The following RCOR3 variants were observed in gnomAD, a reference collection of about 807,000 sequenced individuals.
RCOR3 encodes the protein REST corepressor 3.
In RCOR3, 13 loss-of-function variants were observed where a neutral mutation model predicts 64.1. That is an observed-to-expected ratio of 0.20 (90% CI 0.13 to 0.32). RCOR3 has a LOEUF of 0.32. RCOR3 is among the 10% of genes least tolerant of loss of function. RCOR3 has a pLI of 1.00. For missense variants in RCOR3, 489 were observed against 701.2 expected (o/e 0.70, Z 3.42); for synonymous variants, 215 against 239.0 (o/e 0.90, Z 0.93).
intron 9 of RCOR3, chr1:211,302,717 A>G (rs551352712): frequency 9.1e-4 from 138 of 152,298 alleles, no homozygotes; most frequent in African/African-American, 3.2e-3. Flanking sequence ...TGATTTCAGT[A>G]CCAGTTATCC....
intron 2 of RCOR3, among the ~76,000 whole-genome samples, chr1:211,269,041 G>T (rs947258766): frequency 6.6e-6 from 1 of 152,142 alleles, no homozygotes; most frequent in African/African-American, 2.4e-5. Flanking sequence ...CTGACCCCTA[G>T]AAATGAATGT....
Position 211,313,065 on chromosome 1 carries a change from T to C in RCOR3, c.1317+104T>C. On this transcript the variant is annotated intron_variant, in intron 11 of 11. Coordinates refer to ENST00000419091, the MANE Select transcript of RCOR3 (RefSeq NM_001136223.3). The surrounding 1 kb of genome is among the most constrained non-coding windows in gnomAD (Gnocchi z 4.7). Reference sequence around the variant, plus strand: ...TCAAGAGGACTAGCTAAATTGAGCATGAAAGGTTGACAATACACTTCTTCA... The same window carrying C: ...TCAAGAGGACTAGCTAAATTGAGCACGAAAGGTTGACAATACACTTCTTCA... 2 of 1,576,096 alleles carry C rather than the reference T, an allele frequency of 1.3e-6. No individual in the cohort carries two copies. The highest frequency in any genetic ancestry group is 1.7e-6 in the Non-Finnish European group (2 of 1,162,120).
chr1:211,269,079 A>G (rs1310832883), intron 2 of RCOR3, among the ~76,000 whole-genome samples: 1 of 152,202 alleles, frequency 6.6e-6, no homozygotes, highest in African/African-American at 2.4e-5. Context: ...TTATAACTTT[A>G]TAAAGGATTA....
chr1:211,289,006 T>C (rs1698915966), intron 7 of RCOR3, among the ~76,000 whole-genome samples, 172 bp from the exon 8 acceptor site: 1 of 152,164 alleles, frequency 6.6e-6, no homozygotes, highest in Admixed American at 6.5e-5. Flanking sequence ...TTCCTCCCAG[T>C]TGGTGAGTGT....
At chr1:211,290,393 A>C (rs1024107767) in intron 8 of RCOR3, among the ~76,000 whole-genome samples, 1 of 152,296 alleles carries the variant, frequency 6.6e-6, no homozygotes, top group South Asian at 2.1e-4. Context: ...TGTAAACCAA[A>C]GTGGTAACCA....
chr1:211,273,439 T>C (rs938448184), intron 3 of RCOR3, among the ~76,000 whole-genome samples: 1 of 152,146 alleles, frequency 6.6e-6, no homozygotes, highest in Non-Finnish European at 1.5e-5. Flanking sequence ...CAAAAATATT[T>C]CCAAAAAAGT....
rs1167141062 is a variant in RCOR3 at position 211,278,187 on chromosome 1, G to T, written c.587G>T (p.Ser196Ile). The change falls in exon 6 of 12, where the codon AGT (serine) becomes ATT (isoleucine). Residue 196 changes from serine to isoleucine, a missense_variant. By Grantham distance (142) the Ser-to-Ile change is moderately radical. Coordinates refer to ENST00000419091, the MANE Select transcript of RCOR3 (RefSeq NM_001136223.3). ...TGGAAAAAAACTCGCTCTAGGACAA[G>T]TTTGATGGATCGCCAGGCTCGTAAA... The part of the protein sequence containing the change: ...YSWKKTRSRT[S>I]LMDRQARKLA... The T allele has an allele frequency of 6.2e-7, 1 of 1,612,868 alleles. No individual in the cohort carries two copies. Among genetic ancestry groups the T allele is most frequent in the Non-Finnish European group, 8.5e-7 (1 of 1,179,706 alleles).
intron 2 of RCOR3, 46 bp downstream of exon 2, chr1:211,260,210 C>T (rs1263771389): frequency 1.3e-6 from 2 of 1,584,420 alleles, no homozygotes; most frequent in African/African-American, 2.7e-5. Context: ...CTTTCCTGGG[C>T]TTGGTTTGGG....
At chr1:211,283,077 A>G (rs567054452) in intron 7 of RCOR3, among the ~76,000 whole-genome samples, 1 of 152,346 alleles carries the variant, frequency 6.6e-6, no homozygotes, top group African/African-American at 2.4e-5. Flanking sequence ...TCTCCAATTA[A>G]TAAACTTAAT....
chr1:211,307,419 G>A (rs1019298985), intron 10 of RCOR3, among the ~76,000 whole-genome samples: 17 of 151,754 alleles, frequency 1.1e-4, no homozygotes, highest in African/African-American at 4.1e-4. Context: ...AACCTGGGAG[G>A]TGGAGGTTGC....
chr1:211,310,107 C>G (rs541016141), intron 10 of RCOR3, among the ~76,000 whole-genome samples: 1 of 152,246 alleles, frequency 6.6e-6, no homozygotes, highest in East Asian at 1.9e-4. Flanking sequence ...TAAGCACTTC[C>G]TGTGTACTCA....
intron 5 of RCOR3, 58 bp downstream of exon 5, chr1:211,276,476 T>G: frequency 7.3e-7 from 1 of 1,365,416 alleles, no homozygotes; most frequent in Non-Finnish European, 1.0e-6. Context: ...AAGCTACTAT[T>G]AAACACTTCC....
intron 7 of RCOR3, among the ~76,000 whole-genome samples, chr1:211,285,025 TTGG>T (rs1698335682): frequency 6.6e-6 from 1 of 152,230 alleles, no homozygotes; most frequent in Admixed American, 6.5e-5. Context: ...GTTCTGCTAT[TTGG>T]TGGTTCTTCT....
At chr1:211,271,651 A>G (rs1181315392) in intron 3 of RCOR3, 9 of 421,034 alleles carry the variant, frequency 2.1e-5, no homozygotes, top group Non-Finnish European at 4.2e-5. Context: ...CGGTAAAGAC[A>G]TGCCTTCAAA....
chr1:211,279,742 C>G (rs1020759234), intron 7 of RCOR3, among the ~76,000 whole-genome samples: 2 of 152,166 alleles, frequency 1.3e-5, no homozygotes, highest in African/African-American at 4.8e-5. Context: ...TTTTCTCCCC[C>G]AAGTCTGCCT....
rs1458894204 is a variant in RCOR3 at position 211,262,890 on chromosome 1, A to T, written c.223+2726A>T. 7.1e-5 allele frequency among the ~76,000 whole-genome samples: 10 copies of T among 140,686 alleles called. No homozygotes were observed. The East Asian group carries it at 1.6e-3, about 23-fold the overall frequency. The allele number at this position is 140,686 out of a possible 152,430, so 92.3% of individuals were successfully genotyped here. On this transcript the variant is annotated intron_variant, in intron 2 of 11. Transcript: ENST00000419091. The stretch of plus-strand genomic sequence containing the variant: ...AACAACTTTTTTTTTTTATTATTAT[A>T]CTTTAAGTTTTAGGGTATATGTGCA...
chr1:211,313,439 G>C lies in RCOR3; in HGVS notation c.1333G>C (p.Ala445Pro), dbSNP rs749070976. ...DEEEEAQTPQ[A>P]PRTLGPSPPA... The stretch of plus-strand genomic sequence containing the variant: ...TCACCTCTAGGCACAGACCCCACAG[G>C]CTCCTCGGACACTGGGTCCATCACC... The change falls in exon 12 of 12, where the codon GCT becomes CCT. Residue 445 changes from alanine to proline, a missense_variant. Physicochemically the swap from Ala to Pro is conservative, Grantham distance 27 (BLOSUM62 -1). Around this residue, in one of 2 missense-constraint regions of RCOR3, gnomAD observed 402 missense variants for 617.0 expected, o/e 0.65. Coordinates refer to ENST00000419091, the MANE Select transcript of RCOR3 (RefSeq NM_001136223.3). This position sits in a 1 kb window ranked among gnomAD's most constrained non-coding sequence, Gnocchi z 4.7. 5.6e-6 allele frequency: 9 copies of C among 1,613,194 alleles called. No individual in the cohort carries two copies. The Admixed American group carries it at 1.5e-4, about 27-fold the overall frequency.
rs377484100 is a variant in RCOR3 at position 211,271,135 on chromosome 1, G to A, written c.224-97G>A. 1.2e-3 allele frequency: 1,236 copies of A among 1,008,664 alleles called. 24 individuals are homozygous for A. The South Asian group carries it at 0.018, about 14-fold the overall frequency. The allele number at this position is 1,008,664 out of a possible 1,614,324, so 62.5% of individuals were successfully genotyped here. A position where few individuals can be genotyped will look rare whatever the true frequency, so the allele number is the denominator to read the frequency against. On this transcript the variant is annotated intron_variant, in intron 2 of 11. Transcript: ENST00000419091. ...GCCTCCCAAAGTACTGGGATTACAG[G>A]CATGAGCCACCGTGCCTGGGCAGCT...
At chr1:211,305,926 G>A (rs1221416396) in intron 10 of RCOR3, among the ~76,000 whole-genome samples, 1 of 152,092 alleles carries the variant, frequency 6.6e-6, no homozygotes, top group African/African-American at 2.4e-5. Context: ...ATTATACTAT[G>A]TACATTTAAA....
Sources: gnomAD v4.1 joint callset for allele counts (sites outside exome capture counted in the v4.1 genomes callset) on GRCh38, gnomAD v4.1.1 for gene constraint, gnomAD v4.1.1 regional missense constraint, Gnocchi (gnomAD v3.1) non-coding constraint, MANE v1.5 for transcripts, NCBI Gene and HGNC (gene_info 2026-07-23, HGNC 2026-07-21) for gene names.